Variants in CDH4 observed in about 807,000 individuals in gnomAD.
CDH4 encodes cadherin-4.
In CDH4, 33 loss-of-function variants were observed where a neutral mutation model predicts 86.0. The ratio of observed to expected loss-of-function variants is 0.38; its 90% CI spans 0.29 to 0.51. The LOEUF (loss-of-function observed/expected upper bound fraction) is 0.51. Among genes scored for constraint, CDH4 ranks in the 20% least tolerant of loss-of-function variants. The pLI, the probability that CDH4 is intolerant of heterozygous loss-of-function variation, is 0.86. For missense variants in CDH4, 1,114 were observed against 1,307.4 expected (o/e 0.85, Z 2.28); for synonymous variants, 555 against 549.4 (o/e 1.01, Z -0.14).
chr20:61,839,343 TTGTGTTTGTG>T (rs1438173046), intron 4 of CDH4, among the ~76,000 whole-genome samples: 1 of 151,876 alleles, frequency 6.6e-6, no homozygotes, highest in Non-Finnish European at 1.5e-5. Context: ...TATGCATATT[TTGTGTTTGTG>T]TATGTTTGTG....
At chr20:61,484,574 G>A (rs1195896079) in intron 2 of CDH4, among the ~76,000 whole-genome samples, 1 of 152,224 alleles carries the variant, frequency 6.6e-6, no homozygotes, top group Non-Finnish European at 1.5e-5. Flanking sequence ...CAGCCCTGGA[G>A]CCAGTGCCAG....
chr20:61,258,549 C>T (rs964659032), intron 2 of CDH4, among the ~76,000 whole-genome samples: 2 of 152,134 alleles, frequency 1.3e-5, no homozygotes. Flanking sequence ...GGTAAGAGCT[C>T]TGTCATTCTT....
intron 3 of CDH4, among the ~76,000 whole-genome samples, chr20:61,757,576 TG>T (rs2145964411): frequency 6.6e-6 from 1 of 152,192 alleles, no homozygotes; most frequent in Admixed American, 6.5e-5. Flanking sequence ...CAAAATCTGA[TG>T]GGTTATTGGT....
intron 2 of CDH4, among the ~76,000 whole-genome samples, chr20:61,304,934 T>C (rs1208984412): frequency 6.6e-6 from 1 of 150,856 alleles, no homozygotes; most frequent in Non-Finnish European, 1.5e-5. Flanking sequence ...GTACATGCAG[T>C]GTATGTGTTG....
intron 2 of CDH4, among the ~76,000 whole-genome samples, chr20:61,362,742 G>A (rs1367036117): frequency 4.6e-5 from 7 of 152,102 alleles, no homozygotes; most frequent in Admixed American, 1.3e-4. Context: ...GGCACTCCCC[G>A]AGACAGGGGC....
chr20:61,629,429 T>C (rs1397524475), intron 2 of CDH4, among the ~76,000 whole-genome samples: 1 of 152,056 alleles, frequency 6.6e-6, no homozygotes, highest in Non-Finnish European at 1.5e-5. Context: ...ACTCCAAAGG[T>C]CTAGGGATTA....
At chr20:61,314,927 G>A (rs796071175) in intron 2 of CDH4, among the ~76,000 whole-genome samples, 14 of 152,336 alleles carry the variant, frequency 9.2e-5, no homozygotes, top group African/African-American at 3.4e-4. Flanking sequence ...TTGTATATCT[G>A]TGTTGAGAAA....
At chr20:61,543,416 T>G (rs1366380886) in intron 2 of CDH4, among the ~76,000 whole-genome samples, 1 of 152,212 alleles carries the variant, frequency 6.6e-6, no homozygotes, top group Non-Finnish European at 1.5e-5. Context: ...AAGTGACAGT[T>G]TCTTTTGTTA....
intron 15 of CDH4, 91 bp downstream of exon 15, chr20:61,934,311 G>A: frequency 7.4e-7 from 1 of 1,359,230 alleles, no homozygotes; most frequent in Non-Finnish European, 9.8e-7. Flanking sequence ...TCTCCACAGT[G>A]CCGGCGGCTG....
At position 61,743,523 on chromosome 20, in the gene CDH4, T is replaced by C. The variant is rs201473685; in HGVS notation, c.170-40T>C. ...GCTGCCATTGTTACCGCCCTTCTGC[T>C]GGCCAAGCCGACCCTGACTCTCTCC... On this transcript the variant is annotated intron_variant, in intron 2 of 15. Coordinates refer to ENST00000614565, the MANE Select transcript of CDH4 (RefSeq NM_001794.5). 1.6e-4 allele frequency: 244 copies of C among 1,511,948 alleles called. 1 individual carries two copies. The African/African-American group carries it at 3.1e-3, about 19-fold the overall frequency. 93.7% of individuals were successfully genotyped at this position (1,511,948 alleles called of 1,614,324 possible). A position where few individuals can be genotyped will look rare whatever the true frequency, so the allele number is the denominator to read the frequency against.
intron 2 of CDH4, among the ~76,000 whole-genome samples, chr20:61,383,799 A>ATATATATGAAGATATATATGCG (rs1555844355): frequency 0.031 from 1,293 of 42,344 alleles, 75 homozygotes; most frequent in African/African-American, 0.074. Flanking sequence ...ATATATATGC[A>ATATATATGAAGATATATATGCG]TATATATGAA....
At chr20:61,760,790 T>C (rs1221503680) in intron 3 of CDH4, among the ~76,000 whole-genome samples, 1 of 152,214 alleles carries the variant, frequency 6.6e-6, no homozygotes, top group African/African-American at 2.4e-5. Flanking sequence ...AAGTAAGAAA[T>C]TCGGTGGTGC....
intron 2 of CDH4, among the ~76,000 whole-genome samples, chr20:61,461,495 C>T (rs1336757690): frequency 6.6e-6 from 1 of 152,162 alleles, no homozygotes; most frequent in Non-Finnish European, 1.5e-5. Flanking sequence ...CTGAGGGGGC[C>T]TGCTCAGAGG....
chr20:61,835,422 A>G (rs576804791), intron 4 of CDH4, among the ~76,000 whole-genome samples: 12 of 152,294 alleles, frequency 7.9e-5, no homozygotes, highest in Middle Eastern at 3.4e-3. Context: ...TGACAATTCC[A>G]CTGGGTGTGG....
At chr20:61,463,282 G>A (rs529145832) in intron 2 of CDH4, among the ~76,000 whole-genome samples, 2 of 152,292 alleles carry the variant, frequency 1.3e-5, no homozygotes, top group African/African-American at 4.8e-5. Flanking sequence ...TAATACAGGT[G>A]GGCACCGGGG....
chr20:61,504,624 C>T (rs571665739), intron 2 of CDH4, among the ~76,000 whole-genome samples: 5 of 152,318 alleles, frequency 3.3e-5, no homozygotes, highest in East Asian at 1.9e-4. Flanking sequence ...TTCAGCAGAG[C>T]GGAGGATCCA....
chr20:61,617,542 TGCACAG>T (rs2086735121), intron 2 of CDH4, among the ~76,000 whole-genome samples: 1 of 152,162 alleles, frequency 6.6e-6, no homozygotes, highest in South Asian at 2.1e-4. Context: ...AAGGAGAAAA[TGCACAG>T]GCACAGCTGA....
chr20:61,407,598 A>T (rs997790754), intron 2 of CDH4, among the ~76,000 whole-genome samples: 1 of 152,246 alleles, frequency 6.6e-6, no homozygotes. Context: ...TCCAGAAATT[A>T]TACTCAACTG....
At chr20:61,876,424 G>A (rs537096779) in intron 7 of CDH4, among the ~76,000 whole-genome samples, 36 of 152,364 alleles carry the variant, frequency 2.4e-4, no homozygotes, top group African/African-American at 7.7e-4. Flanking sequence ...AGAGAGCAAC[G>A]TCCAATTGGA....
Sources: gnomAD v4.1 joint callset for allele counts (sites outside exome capture counted in the v4.1 genomes callset) on GRCh38, gnomAD v4.1.1 for gene constraint, MANE v1.5 for transcripts, NCBI Gene and HGNC (gene_info 2026-07-23, HGNC 2026-07-21) for gene names.